Variants in ANKS1B observed in about 807,000 individuals in gnomAD.
ANKS1B encodes the protein ankyrin repeat and sterile alpha motif domain-containing protein 1B.
ANKS1B carries 36 observed loss-of-function variants against 148.3 expected under a neutral mutation model. The observed-to-expected ratio is 0.24, with a 90% CI of 0.19 to 0.32. The LOEUF is 0.32. Among genes scored for constraint, ANKS1B ranks in the 10% least tolerant of loss-of-function variants. The pLI, the probability that ANKS1B is intolerant of heterozygous loss-of-function variation, is 1.00. For missense variants in ANKS1B, 1,157 were observed against 1,542.6 expected, an observed-to-expected ratio of 0.75 and a Z score of 4.19; for synonymous variants, 542 against 560.8, an observed-to-expected ratio of 0.97 and a Z score of 0.47.
chr12:99,437,175 C>T (rs2095475171), intron 11 of ANKS1B, among the ~76,000 whole-genome samples: 1 of 152,072 alleles, frequency 6.6e-6, no homozygotes, highest in African/African-American at 2.4e-5. Flanking sequence ...TTTCAGATTG[C>T]AGATTGCCGA....
intron 8 of ANKS1B, among the ~76,000 whole-genome samples, chr12:99,702,757 C>A (rs1176147170): frequency 9.1e-6 from 1 of 109,730 alleles, no homozygotes; most frequent in African/African-American, 3.1e-5. Context: ...GTTGCCTAGG[C>A]TAGAAGCTTT....
At position 98,894,819 on chromosome 12, in the gene ANKS1B, G is replaced by C. The variant is rs1419505893; in HGVS notation, c.2779-62683C>G. On this transcript the variant is annotated intron_variant, in intron 17 of 26. Coordinates refer to ENST00000683438, the MANE Select transcript of ANKS1B (RefSeq NM_001352186.2). ...CGCCGAGGAAGGGCGGGAGAGGCGC[G>C]GAGCTTGGCCGCGCCGCGCTGCGCC... The C allele has an allele frequency of 1.4e-5, 14 of 983,328 alleles. No individual in the cohort carries two copies. The South Asian group carries it at 2.3e-4, about 16-fold the overall frequency. 60.9% of individuals were successfully genotyped at this position (983,328 alleles called of 1,614,324 possible).
chr12:98,979,534 G>A (rs2099905836), intron 17 of ANKS1B, among the ~76,000 whole-genome samples: 1 of 152,104 alleles, frequency 6.6e-6, no homozygotes, highest in Non-Finnish European at 1.5e-5. Flanking sequence ...GCCTCCCAAA[G>A]TGCTGGGATT....
intron 15 of ANKS1B, among the ~76,000 whole-genome samples, chr12:99,105,779 A>C (rs1341052363): frequency 1.3e-4 from 20 of 151,932 alleles, no homozygotes; most frequent in African/African-American, 2.7e-4. Context: ...AAAAAAAAAA[A>C]AAAAAAAAAA....
At chr12:99,156,161 A>T (rs1253672772) in intron 14 of ANKS1B, among the ~76,000 whole-genome samples, 1 of 152,006 alleles carries the variant, frequency 6.6e-6, no homozygotes, top group African/African-American at 2.4e-5. Context: ...AAACCTCAAA[A>T]CATCTTCTAC....
chr12:99,210,682 C>T (rs1023026671), intron 14 of ANKS1B, among the ~76,000 whole-genome samples: 1 of 152,160 alleles, frequency 6.6e-6, no homozygotes. Flanking sequence ...GACTCCATTG[C>T]AAAAAGTTAG....
At chr12:99,884,263 T>C (rs1471969078) in intron 1 of ANKS1B, among the ~76,000 whole-genome samples, 2 of 152,184 alleles carry the variant, frequency 1.3e-5, no homozygotes, top group Non-Finnish European at 2.9e-5. Context: ...CTGCAGGTAT[T>C]AGCAAGTATG....
intron 14 of ANKS1B, among the ~76,000 whole-genome samples, chr12:99,179,629 C>G (rs1036613169): frequency 6.6e-6 from 1 of 152,008 alleles, no homozygotes; most frequent in Admixed American, 6.5e-5. Context: ...AGTATATTAG[C>G]TCTAGGAAAT....
chr12:99,405,434 C>T (rs1567038777), intron 11 of ANKS1B, among the ~76,000 whole-genome samples: 1 of 145,724 alleles, frequency 6.9e-6, no homozygotes, highest in Admixed American at 6.8e-5. Flanking sequence ...TTTTCCTTTG[C>T]TTGTTTGTTT....
chr12:99,897,321 G>T (rs555694833), intron 1 of ANKS1B, among the ~76,000 whole-genome samples: 1 of 151,070 alleles, frequency 6.6e-6, no homozygotes, highest in South Asian at 2.1e-4. Flanking sequence ...ACTGAAAATT[G>T]TTACTTTCAT....
chr12:98,973,966 C>T (rs1568120906), intron 17 of ANKS1B, among the ~76,000 whole-genome samples: 1 of 151,996 alleles, frequency 6.6e-6, no homozygotes, highest in Non-Finnish European at 1.5e-5. Flanking sequence ...GGGTTTGGTA[C>T]TAACCACAGT....
At chr12:99,877,060 C>G (rs748965954) in intron 1 of ANKS1B, among the ~76,000 whole-genome samples, 3 of 152,168 alleles carry the variant, frequency 2.0e-5, no homozygotes, top group Non-Finnish European at 2.9e-5. Flanking sequence ...GTATCCTACA[C>G]AGTATAAGAA....
chr12:98,797,057 T>C (rs745639758), intron 22 of ANKS1B, among the ~76,000 whole-genome samples: 1 of 152,204 alleles, frequency 6.6e-6, no homozygotes, highest in Non-Finnish European at 1.5e-5. Context: ...GCCCAATTAA[T>C]TTATTAGACA....
chr12:99,619,599 C>T (rs535147192), intron 9 of ANKS1B, among the ~76,000 whole-genome samples: 3 of 151,974 alleles, frequency 2.0e-5, no homozygotes, highest in Non-Finnish European at 2.9e-5. Context: ...ATAAAGGATA[C>T]CTGCTCACCG....
At chr12:99,028,881 TA>T (rs1373832831) in intron 17 of ANKS1B, among the ~76,000 whole-genome samples, 4 of 152,370 alleles carry the variant, frequency 2.6e-5, no homozygotes, top group African/African-American at 9.6e-5. Context: ...GAAGAAGGAA[TA>T]ATTAGAACAG....
At chr12:99,395,313 C>T (rs185406472) in intron 12 of ANKS1B, among the ~76,000 whole-genome samples, 2 of 152,266 alleles carry the variant, frequency 1.3e-5, no homozygotes, top group East Asian at 3.9e-4. Context: ...AAAAATCACT[C>T]TGGGTTAAAG....
At chr12:99,738,316 C>T (rs1370673912) in intron 8 of ANKS1B, among the ~76,000 whole-genome samples, 2 of 152,256 alleles carry the variant, frequency 1.3e-5, no homozygotes, top group South Asian at 2.1e-4. Context: ...GTTATTCCCA[C>T]ATTCACTCAT....
chr12:99,684,411 A>G (rs1437210523), intron 8 of ANKS1B, among the ~76,000 whole-genome samples: 1 of 151,848 alleles, frequency 6.6e-6, no homozygotes, highest in African/African-American at 2.4e-5. Context: ...TTAGGAATAC[A>G]TCTAACCAAA....
chr12:99,053,800 G>A (rs764609394), intron 16 of ANKS1B, among the ~76,000 whole-genome samples: 2 of 152,184 alleles, frequency 1.3e-5, no homozygotes, highest in African/African-American at 2.4e-5. Context: ...GTGCAAACAC[G>A]CTGGAGAAAC....
Sources: gnomAD v4.1 joint callset for allele counts (sites outside exome capture counted in the v4.1 genomes callset) on GRCh38, gnomAD v4.1.1 for gene constraint, MANE v1.5 for transcripts, NCBI Gene and HGNC (gene_info 2026-07-23, HGNC 2026-07-21) for gene names.